The following ABCB4 variants were observed in gnomAD, a reference collection of about 807,000 sequenced individuals.
ABCB4 encodes ATP binding cassette subfamily B member 4.
Under a neutral mutation model 145.7 loss-of-function variants are expected in ABCB4, and 76 were observed. The observed-to-expected ratio is 0.52, with a 90% CI of 0.43 to 0.63. ABCB4 has a LOEUF of 0.63. Ranked by LOEUF, ABCB4 falls within the 30% of genes least tolerant of loss-of-function variation. The pLI, the probability that ABCB4 is intolerant of heterozygous loss-of-function variation, is 0.00. For missense variants in ABCB4, 1,234 were observed against 1,553.1 expected, an observed-to-expected ratio of 0.79 and a Z score of 3.45; for synonymous variants, 517 against 566.8, an observed-to-expected ratio of 0.91 and a Z score of 1.25.
At chr7:87,448,173 AT>A (rs1272822071) in intron 8 of ABCB4, among the ~76,000 whole-genome samples, 3 of 152,186 alleles carry the variant, frequency 2.0e-5, no homozygotes, top group Non-Finnish European at 4.4e-5. Flanking sequence ...CCCAGAGGGT[AT>A]GTAAAATTTA....
downstream of ABCB4, chr7:87,398,282 A>C: frequency 1.5e-6 from 1 of 647,452 alleles, no homozygotes; most frequent in Non-Finnish European, 2.9e-6. Flanking sequence ...AGAGCACTCT[A>C]GGGCTCTAGC....
chr7:87,465,705 C>T (rs888139988), intron 3 of ABCB4, among the ~76,000 whole-genome samples: 17 of 152,190 alleles, frequency 1.1e-4, no homozygotes, highest in African/African-American at 2.4e-5. Context: ...GACGAAACTT[C>T]CAGAGGAACA....
At chr7:87,412,869 T>G (rs1392547521) in intron 22 of ABCB4, among the ~76,000 whole-genome samples, 1 of 152,238 alleles carries the variant, frequency 6.6e-6, no homozygotes, top group Non-Finnish European at 1.5e-5. Flanking sequence ...TGCATACATG[T>G]TTTATGTCAA....
At chr7:87,408,592 A>G (rs2060378040) in intron 24 of ABCB4, among the ~76,000 whole-genome samples, 1 of 152,198 alleles carries the variant, frequency 6.6e-6, no homozygotes, top group African/African-American at 2.4e-5. Context: ...TTTCTACCCA[A>G]AGTTTCAGTG....
chr7:87,418,857 T>C (rs960544941), intron 19 of ABCB4, among the ~76,000 whole-genome samples: 1 of 152,108 alleles, frequency 6.6e-6, no homozygotes, highest in African/African-American at 2.4e-5. Flanking sequence ...CTCACCCAGA[T>C]GGCTGCCATG....
chr7:87,402,777 G>A lies in ABCB4; in HGVS notation c.3633+358C>T, dbSNP rs113451648. Among the ~76,000 whole-genome samples, 10 of 152,198 alleles carry A rather than the reference G, an allele frequency of 6.6e-5. 1 individual carries two copies. Among genetic ancestry groups the A allele is most frequent in the African/African-American group, 1.9e-4 (8 of 41,552 alleles). ...AGCACTTTGGGAGGCCGAGGCAGGC[G>A]GATCACAAGGTCAGGATTCGAGACC... On this transcript the variant is annotated intron_variant, in intron 27 of 27. Coordinates refer to ENST00000649586, the MANE Select transcript of ABCB4 (RefSeq NM_000443.4).
At chr7:87,387,311 T>C in the ABCB4 span, among the ~76,000 whole-genome samples, 1,138 of 152,226 alleles carry the variant, frequency 7.5e-3, 15 homozygotes, top group African/African-American at 0.025. Context: ...ATTTAGATAA[T>C]TAAATTCAGT....
chr7:87,421,781 AT>A (rs1461319940), intron 18 of ABCB4, among the ~76,000 whole-genome samples: 1 of 152,248 alleles, frequency 6.6e-6, no homozygotes, highest in Non-Finnish European at 1.5e-5. Flanking sequence ...GTTACTTGAT[AT>A]TCTATAAAGA....
rs1191742078 is a variant in ABCB4, at chr7:87,444,959, A to G, written c.1022T>C (p.Leu341Pro). 1 of 1,602,920 alleles carries G rather than the reference A, an allele frequency of 6.2e-7. No individual in the cohort carries two copies. The highest frequency in any genetic ancestry group is 2.2e-5 in the East Asian group (1 of 44,786). ...GNAMTVFFSILIGAFSVGQAA... is the reference protein window; with the variant it reads ...GNAMTVFFSIPIGAFSVGQAA... ...CTGGCCAACACTGAAAGCTCCAATT[A>G]GGATTGAAAAAAAAACCTGAGCAAA... The change falls in exon 10 of 28, where the codon CTA (leucine) becomes CCA (proline). Residue 341 changes from leucine to proline, a missense_variant. By Grantham distance (98) the Leu-to-Pro change is moderately conservative. Coordinates refer to ENST00000649586, the MANE Select transcript of ABCB4 (RefSeq NM_000443.4).
intron 3 of ABCB4, among the ~76,000 whole-genome samples, chr7:87,470,760 A>G (rs1174023483): frequency 2.0e-5 from 3 of 152,190 alleles, no homozygotes; most frequent in Non-Finnish European, 4.4e-5. Flanking sequence ...ACACTTTTAC[A>G]CTATTGGTGG....
chr7:87,421,024 C>T lies in ABCB4; in HGVS notation c.2317-949G>A, dbSNP rs144271508. Among the ~76,000 whole-genome samples, 3 of 152,316 alleles carry T rather than the reference C, an allele frequency of 2.0e-5. No homozygotes were observed. In the East Asian group the frequency reaches 5.8e-4, roughly 29 times the overall value. On this transcript the variant is annotated intron_variant, in intron 18 of 27. Coordinates refer to ENST00000649586, the MANE Select transcript of ABCB4 (RefSeq NM_000443.4). ...AAATGAGTATGCTGGTTCCTGGTCA[C>T]AGCTCCACCTGCACTCAGATTGGGG... is the stretch of plus-strand genomic sequence containing the variant.
At chr7:87,426,319 G>T (rs11768699) in intron 16 of ABCB4, among the ~76,000 whole-genome samples, 8,873 of 152,206 alleles carry the variant, frequency 0.058, 303 homozygotes, top group South Asian at 0.13. Context: ...TCACCTCTAA[G>T]ATTTTGGCAT....
intron 8 of ABCB4, chr7:87,448,713 T>G (rs1488553793): frequency 1.3e-5 from 2 of 152,198 alleles, no homozygotes; most frequent in Admixed American, 1.3e-4. Context: ...TGGACTATTA[T>G]GTACAGGAAG....
chr7:87,406,663 T>C lies in ABCB4; in HGVS notation c.3280-169A>G, dbSNP rs1248461495. ...AGGCCAGCATGGCCAACATGATGAT[T>C]TTTATGGTGATTAAGCCATCCCTAT... On this transcript the variant is annotated intron_variant, in intron 25 of 27. Coordinates refer to ENST00000649586, the MANE Select transcript of ABCB4 (RefSeq NM_000443.4). 2.4e-5 allele frequency: 18 copies of C among 748,990 alleles called. No homozygotes were observed. In the East Asian group the frequency reaches 4.8e-4, roughly 20 times the overall value. The allele number at this position is 748,990 out of a possible 1,614,324, so 46.4% of individuals were successfully genotyped here.
chr7:87,418,022 G>A (rs1191378391), intron 20 of ABCB4, among the ~76,000 whole-genome samples: 2 of 152,196 alleles, frequency 1.3e-5, no homozygotes, highest in Non-Finnish European at 2.9e-5. Flanking sequence ...TCAGCTCTCT[G>A]CATCCATTCC....
At chr7:87,440,833 C>A (rs1033737491) in intron 12 of ABCB4, among the ~76,000 whole-genome samples, 1 of 152,094 alleles carries the variant, frequency 6.6e-6, no homozygotes, top group Admixed American at 6.6e-5. Context: ...CTCCACCTCC[C>A]GGGTTCACAC....
chr7:87,439,897 TC>T (rs1306438001), intron 13 of ABCB4, 60 bp from the exon 14 acceptor site: 189 of 1,600,976 alleles, frequency 1.2e-4, no homozygotes, highest in Non-Finnish European at 1.6e-4. Context: ...GGCTAGGAAT[TC>T]TATAGAACTA....
At chr7:87,381,286 G>A in the ABCB4 span, among the ~76,000 whole-genome samples, 2 of 152,148 alleles carry the variant, frequency 1.3e-5, no homozygotes, top group Admixed American at 1.3e-4. Context: ...CTTCAAAATA[G>A]ATGATGGGAA....
the ABCB4 span, among the ~76,000 whole-genome samples, chr7:87,383,466 CTGAG>C: frequency 1.3e-5 from 2 of 150,842 alleles, no homozygotes; most frequent in Non-Finnish European, 3.0e-5. Flanking sequence ...TTTATTTTGG[CTGAG>C]TAATATTCCA....
Sources: gnomAD v4.1 joint callset for allele counts (sites outside exome capture counted in the v4.1 genomes callset) on GRCh38, gnomAD v4.1.1 for gene constraint, MANE v1.5 for transcripts, NCBI Gene and HGNC (gene_info 2026-07-23, HGNC 2026-07-21) for gene names.